TENM1: variants seen among roughly 807,000 people sequenced by gnomAD.
The protein encoded by TENM1 is teneurin transmembrane protein 1.
In TENM1, 35 loss-of-function variants were observed where a neutral mutation model predicts 174.8. The ratio of observed to expected loss-of-function variants is 0.20; its 90% CI spans 0.15 to 0.27. The LOEUF (loss-of-function observed/expected upper bound fraction) is 0.27. TENM1 is among the 10% of genes least tolerant of loss of function. TENM1 has a pLI of 1.00. For synonymous variants in TENM1, 781 were observed against 798.7 expected (o/e 0.98, Z 0.37); for missense variants, 1,633 against 2,130.1 (o/e 0.77, Z 4.59).
chrX:124,420,479 A>G, exon 25 of TENM1: 1 of 1,212,197 alleles, frequency 8.2e-7, no homozygotes, highest in Non-Finnish European at 1.1e-6. Flanking sequence ...CACAAGCCAT[A>G]GCGGCATTCC....
rs887420690 is a variant in TENM1, at chrX:124,846,519, C to A, written c.535+47777G>T. Among the ~76,000 whole-genome samples, 6 of 111,209 alleles carry A rather than the reference C, an allele frequency of 5.4e-5. No individual in the cohort carries two copies. In the South Asian group the frequency reaches 2.2e-3, roughly 42 times the overall value. On this transcript the variant is annotated intron_variant, in intron 3 of 31. Transcript: ENST00000422452. ...ATTTTGTTTTGTTTTAAGTTGACTA[C>A]AATTTTCAATCACAGTTATCAGTTC...
chrX:124,428,895 T>G (rs1487169257), intron 23 of TENM1, among the ~76,000 whole-genome samples: 1 of 111,783 alleles, frequency 8.9e-6, no homozygotes, highest in Non-Finnish European at 1.9e-5. Flanking sequence ...CTTAATATTT[T>G]GCTTTAAATT....
chrX:124,412,927 G>A (rs2060552944), intron 25 of TENM1, among the ~76,000 whole-genome samples: 1 of 112,313 alleles, frequency 8.9e-6, no homozygotes, highest in Non-Finnish European at 1.9e-5. Context: ...AAGAGCAGAA[G>A]CAGGTGGTGT....
chrX:124,769,495 T>A (rs2054607255), intron 3 of TENM1, among the ~76,000 whole-genome samples: 1 of 111,803 alleles, frequency 8.9e-6, no homozygotes, highest in South Asian at 3.7e-4. Flanking sequence ...GCATGATTAG[T>A]TTCATATCAA....
chrX:124,466,672 A>G (rs952587666), intron 22 of TENM1, among the ~76,000 whole-genome samples: 4 of 111,742 alleles, frequency 3.6e-5, no homozygotes, highest in Non-Finnish European at 5.6e-5. Flanking sequence ...GGTTTCTCAA[A>G]ATTTCAAGTA....
At chrX:124,889,201 C>A (rs2057436165) in intron 3 of TENM1, among the ~76,000 whole-genome samples, 1 of 110,980 alleles carries the variant, frequency 9.0e-6, no homozygotes, top group Non-Finnish European at 1.9e-5. Context: ...TTGGGAATTG[C>A]TTCGAGAATC....
intron 15 of TENM1, among the ~76,000 whole-genome samples, chrX:124,544,944 AAGTACTATAT>A (rs200066183): frequency 0.033 from 3,685 of 112,154 alleles, 172 homozygotes; most frequent in African/African-American, 0.11. Flanking sequence ...GTAAACTAAA[AAGTACTATAT>A]AGATGTAAGA....
At chrX:125,198,843 T>C in the TENM1 span, among the ~76,000 whole-genome samples, 1 of 109,755 alleles carries the variant, frequency 9.1e-6, no homozygotes, top group South Asian at 4.0e-4. Flanking sequence ...TCAATTTCTT[T>C]AAGCTGATGA....
At chrX:125,040,971 AC>A in the TENM1 span, among the ~76,000 whole-genome samples, 1 of 111,693 alleles carries the variant, frequency 9.0e-6, no homozygotes, top group Admixed American at 9.6e-5. Context: ...ATTAAAGATC[AC>A]TTAACTTGTC....
the TENM1 span, among the ~76,000 whole-genome samples, chrX:125,047,412 C>T: frequency 1.2e-4 from 13 of 111,619 alleles, no homozygotes; most frequent in Admixed American, 1.1e-3. Flanking sequence ...GAGACCCCAG[C>T]TGTTTTTATT....
chrX:124,807,058 T>C (rs1448541221), intron 3 of TENM1, among the ~76,000 whole-genome samples: 2 of 111,650 alleles, frequency 1.8e-5, no homozygotes, highest in Non-Finnish European at 3.8e-5. Context: ...GTGTATCACA[T>C]GGTGAGAACA....
At chrX:124,586,923 G>A (rs768809754) in intron 11 of TENM1, among the ~76,000 whole-genome samples, 1 of 110,177 alleles carries the variant, frequency 9.1e-6, no homozygotes, top group African/African-American at 3.3e-5. Flanking sequence ...AATCATGAGT[G>A]AACTCCCATT....
intron 3 of TENM1, among the ~76,000 whole-genome samples, chrX:124,890,667 A>G (rs145447836): frequency 0.017 from 1,934 of 110,971 alleles, 42 homozygotes; most frequent in African/African-American, 0.06. Context: ...TACCCAAAAG[A>G]CAGGCAATAA....
At chrX:124,484,184 G>A (rs774795661) in intron 21 of TENM1, among the ~76,000 whole-genome samples, 2 of 111,365 alleles carry the variant, frequency 1.8e-5, no homozygotes, top group East Asian at 5.7e-4. Flanking sequence ...GGGGTGATAG[G>A]CTTTTGGGAG....
chrX:124,420,856 T>A (rs2060644155), intron 24 of TENM1, 35 bp from the exon 28 acceptor site: 1 of 1,167,775 alleles, frequency 8.6e-7, no homozygotes, highest in Non-Finnish European at 1.2e-6. Flanking sequence ...ACAATTGGCA[T>A]CATAAGCATT....
At chrX:124,778,150 G>T (rs761493328) in intron 3 of TENM1, among the ~76,000 whole-genome samples, 8 of 112,863 alleles carry the variant, frequency 7.1e-5, no homozygotes, top group African/African-American at 2.6e-4. Flanking sequence ...TTCCAGTAGG[G>T]ACAGTTAAAT....
intron 16 of TENM1, among the ~76,000 whole-genome samples, chrX:124,523,984 C>T (rs1290729529): frequency 2.8e-5 from 3 of 107,729 alleles, no homozygotes; most frequent in African/African-American, 1.0e-4. Flanking sequence ...AAGCGATTCT[C>T]CTGTCTCAGC....
the TENM1 span, among the ~76,000 whole-genome samples, chrX:124,983,985 T>C: frequency 2.8e-4 from 31 of 111,920 alleles, no homozygotes; most frequent in Non-Finnish European, 5.1e-4. Flanking sequence ...TTTCCAATAA[T>C]AAAAAGTAAA....
At chrX:125,030,908 G>A in the TENM1 span, among the ~76,000 whole-genome samples, 39 of 111,405 alleles carry the variant, frequency 3.5e-4, no homozygotes, top group African/African-American at 1.1e-3. Flanking sequence ...TCCTATAAAC[G>A]TTTAAATAAC....
Sources: gnomAD v4.1 joint callset for allele counts (sites outside exome capture counted in the v4.1 genomes callset) on GRCh38, gnomAD v4.1.1 for gene constraint, MANE v1.5 for transcripts, NCBI Gene and HGNC (gene_info 2026-07-23, HGNC 2026-07-21) for gene names.